GPBP1: variants seen among roughly 807,000 people sequenced by gnomAD.
The protein encoded by GPBP1 is GC-rich promoter binding protein 1.
GPBP1 carries 13 observed loss-of-function variants against 56.5 expected under a neutral mutation model. The observed-to-expected ratio is 0.23, with a 90% confidence interval of 0.15 to 0.37. The LOEUF (loss-of-function observed/expected upper bound fraction) is 0.37. GPBP1 is among the 10% of genes least tolerant of loss of function. The probability of loss-of-function intolerance (pLI) is 1.00; values close to 1 mark genes in which losing one functional copy is unlikely to be tolerated. For synonymous variants in GPBP1, 204 were observed against 188.9 expected (o/e 1.08, Z -0.66); for missense variants, 477 against 572.3 (o/e 0.83, Z 1.70).
At chr5:57,251,782 A>G (rs1171400701) in intron 10 of GPBP1, among the ~76,000 whole-genome samples, 1 of 152,106 alleles carries the variant, frequency 6.6e-6, no homozygotes. Context: ...CAAAATGACT[A>G]TGTCATTTTA....
In GPBP1 at chr5:57,261,245, A is replaced by T; in HGVS notation, c.1226A>T (p.Glu409Val). Reference sequence around the variant, plus strand: ...GATGAAACATGTGCTCCCTTAACTGAGGATGAAATGAGAGAATTCCAAGTT... The same window carrying T: ...GATGAAACATGTGCTCCCTTAACTGTGGATGAAATGAGAGAATTCCAAGTT... The part of the protein sequence containing the change: ...ENDETCAPLT[E>V]DEMREFQVIS... The change falls in exon 11 of 12, where the codon GAG (glutamate) becomes GTG (valine). Residue 409 changes from glutamate to valine, a missense_variant. Around this residue, in one of 2 missense-constraint regions of GPBP1, gnomAD observed 63 missense variants for 114.0 expected, o/e 0.55. Transcript: ENST00000506184. 6.2e-7 allele frequency: 1 copy of T among 1,612,326 alleles called. No homozygotes were observed. The highest frequency in any genetic ancestry group is 8.5e-7 in the Non-Finnish European group (1 of 1,178,456).
At chr5:57,237,402 G>A (rs2111882744) in intron 6 of GPBP1, 1 of 495,776 alleles carries the variant, frequency 2.0e-6, no homozygotes, top group South Asian at 3.0e-5. Flanking sequence ...AAATGATTTA[G>A]AGACAAAGAC....
rs1381752532 is a variant in GPBP1 at position 57,264,268 on chromosome 5, ACAATT to A, written c.*1521_*1525del. Reference sequence around the variant, plus strand: ...ATAAGGTTTCACTATATAATTTGTCACAATTCAATCTAATCAGCTAAAGTTAAATG... The same window carrying A: ...ATAAGGTTTCACTATATAATTTGTCACAATCTAATCAGCTAAAGTTAAATG... On this transcript the variant is annotated 3_prime_UTR_variant, in exon 12 of 12. Transcript: ENST00000506184. The A allele has an allele frequency of 2.0e-5, 3 of 152,224 alleles. No individual in the cohort carries two copies. The highest frequency in any genetic ancestry group is 7.2e-5 in the African/African-American group (3 of 41,476). The allele number at this position is 152,224 out of a possible 1,614,324, so 9.4% of individuals were successfully genotyped here.
intron 2 of GPBP1, among the ~76,000 whole-genome samples, chr5:57,206,808 TG>T (rs1755252809): frequency 6.6e-6 from 1 of 152,180 alleles, no homozygotes; most frequent in Non-Finnish European, 1.5e-5. Flanking sequence ...TATAAATGTG[TG>T]GGCTTATTTC....
intron 8 of GPBP1, 38 bp from the exon 9 acceptor site, chr5:57,249,371 G>A: frequency 6.7e-7 from 1 of 1,482,780 alleles, no homozygotes. Context: ...TTGATTCCTT[G>A]GCTACATATT....
chr5:57,190,616 A>G (rs1754479412), intron 2 of GPBP1, among the ~76,000 whole-genome samples: 1 of 143,542 alleles, frequency 7.0e-6, no homozygotes, highest in East Asian at 2.2e-4. Context: ...AAGCTATTTT[A>G]TGTGTCTAGA....
intron 6 of GPBP1, among the ~76,000 whole-genome samples, chr5:57,240,681 A>G (rs1740784738): frequency 6.6e-6 from 1 of 152,172 alleles, no homozygotes; most frequent in African/African-American, 2.4e-5. Flanking sequence ...TAATGAGAAA[A>G]GCACTGTTGG....
Position 57,196,120 on chromosome 5 carries a change from A to G in GPBP1, c.-57-17954A>G, listed in dbSNP as rs573776755. On this transcript the variant is annotated intron_variant, in intron 2 of 11. Coordinates refer to ENST00000506184, the MANE Select transcript of GPBP1 (RefSeq NM_022913.4). ...TGGTTACTTCTTGTCAGTGTTTTCTATCTCTGCCTACCTACTTTCAGTTTT... is the reference window on the plus strand; with the variant it reads ...TGGTTACTTCTTGTCAGTGTTTTCTGTCTCTGCCTACCTACTTTCAGTTTT... Among the ~76,000 whole-genome samples the G allele has an allele frequency of 6.1e-5, 9 of 146,998 alleles. No individual in the cohort carries two copies. The East Asian group carries it at 1.6e-3, about 26-fold the overall frequency.
At chr5:57,258,868 T>A (rs1329121019) in intron 10 of GPBP1, among the ~76,000 whole-genome samples, 1 of 152,256 alleles carries the variant, frequency 6.6e-6, no homozygotes, top group Non-Finnish European at 1.5e-5. Context: ...TTATATTCTC[T>A]TTCATAATAG....
intron 3 of GPBP1, among the ~76,000 whole-genome samples, chr5:57,223,479 CTT>C (rs1346458530): frequency 2.6e-5 from 4 of 152,102 alleles, no homozygotes; most frequent in African/African-American, 7.2e-5. Flanking sequence ...ATGGTTGAAA[CTT>C]TTTCAAGAAT....
Position 57,191,924 on chromosome 5 carries a change from GATGAGACC to G in GPBP1, c.-58+15529_-58+15536del. ...AATTTAAGACTTATCATTTTTCAGA[GATGAGACC>G]ATGATAGTTCATTTGTAGTGTGTCT... On this transcript the variant is annotated intron_variant, in intron 2 of 11. Transcript: ENST00000506184. Among the ~76,000 whole-genome samples, 2 of 152,300 alleles carry G rather than the reference GATGAGACC, an allele frequency of 1.3e-5. 1 individual carries two copies. Among genetic ancestry groups the G allele is most frequent in the South Asian group, 4.1e-4 (2 of 4,824 alleles).
intron 2 of GPBP1, among the ~76,000 whole-genome samples, chr5:57,200,170 C>G (rs867711767): frequency 1.4e-5 from 2 of 143,464 alleles, no homozygotes; most frequent in Non-Finnish European, 3.0e-5. Context: ...CCTTTCCTTC[C>G]TCTCTTTCCT....
intron 5 of GPBP1, among the ~76,000 whole-genome samples, chr5:57,235,197 C>T (rs1035124654): frequency 2.0e-5 from 3 of 151,974 alleles, no homozygotes; most frequent in Admixed American, 1.3e-4. Context: ...ATCCCAGCTA[C>T]TTGGGAGGCT....
intron 6 of GPBP1, among the ~76,000 whole-genome samples, chr5:57,244,727 A>ATTTTTTTTTTTTTTTTTT (rs532660984): frequency 1.1e-5 from 1 of 93,168 alleles, no homozygotes; most frequent in East Asian, 3.4e-4. Flanking sequence ...TTTGTTTGAG[A>ATTTTTTTTTTTTTTTTTT]TTTTTTTTTT....
Position 57,176,270 on chromosome 5 carries a change from A to T in GPBP1, c.-188A>T, listed in dbSNP as rs553240551. On this transcript the variant is annotated 5_prime_UTR_variant, in exon 2 of 12. Coordinates refer to ENST00000506184, the MANE Select transcript of GPBP1 (RefSeq NM_022913.4). The stretch of plus-strand genomic sequence containing the variant: ...GCTGACTTGAAGTAACTCTATGTCA[A>T]ATAGTCGTAGGTTAAGTATCTTCAA... The T allele has an allele frequency of 5.6e-6, 2 of 359,276 alleles. No homozygotes were observed. Among genetic ancestry groups the T allele is most frequent in the Non-Finnish European group, 9.9e-6 (2 of 202,588 alleles). 22.3% of individuals were successfully genotyped at this position (359,276 alleles called of 1,614,324 possible). A position where few individuals can be genotyped will look rare whatever the true frequency, so the allele number is the denominator to read the frequency against.
rs1248906879 is a variant in GPBP1, at chr5:57,264,004, A to C, written c.*1252A>C. 6.6e-6 allele frequency: 1 copy of C among 152,148 alleles called. No individual in the cohort carries two copies. Among genetic ancestry groups the C allele is most frequent in the African/African-American group, 2.4e-5 (1 of 41,446 alleles). The allele number at this position is 152,148 out of a possible 1,614,324, so 9.4% of individuals were successfully genotyped here. On this transcript the variant is annotated 3_prime_UTR_variant, in exon 12 of 12. Transcript: ENST00000506184. ...AGGTTTTATGTCAGATCTAATCTTA[A>C]GTGTTTGTTGTTTTTTAAAAAGTGT...
chr5:57,190,208 A>G (rs1754459681), intron 2 of GPBP1, among the ~76,000 whole-genome samples: 1 of 150,862 alleles, frequency 6.6e-6, no homozygotes, highest in Non-Finnish European at 1.5e-5. Flanking sequence ...TTTTTATTAT[A>G]GAGCTATTTT....
At chr5:57,246,197 T>TAA (rs11349725) in intron 6 of GPBP1, 103 bp from the exon 7 acceptor site, 229 of 686,710 alleles carry the variant, frequency 3.3e-4, no homozygotes, top group African/African-American at 9.7e-4. Context: ...AGCTGTTAGT[T>TAA]AAAAAAAAAA....
chr5:57,207,279 A>G (rs941471527), intron 2 of GPBP1, among the ~76,000 whole-genome samples: 1 of 152,218 alleles, frequency 6.6e-6, no homozygotes, highest in Admixed American at 6.5e-5. Context: ...TCCAAAGGAA[A>G]TTGAGAATAG....
Sources: allele counts gnomAD v4.1 joint callset (sites outside exome capture counted in the v4.1 genomes callset), GRCh38; gene constraint gnomAD v4.1.1; regional missense constraint gnomAD v4.1.1; transcripts MANE v1.5; gene names NCBI Gene and HGNC (gene_info 2026-07-23, HGNC 2026-07-21).